DCLRE1C: variants seen among roughly 807,000 people sequenced by gnomAD.
DCLRE1C encodes DNA cross-link repair 1C.
A neutral mutation model predicts 61.4 loss-of-function variants in DCLRE1C; 47 were observed. The ratio of observed to expected loss-of-function variants is 0.77; its 90% CI spans 0.61 to 0.98. DCLRE1C has a LOEUF of 0.98. Among genes scored for constraint, DCLRE1C ranks in the 50% least tolerant of loss-of-function variants. DCLRE1C has a pLI of 0.00. For missense variants in DCLRE1C, 858 were observed against 816.0 expected, an observed-to-expected ratio of 1.05 and a Z score of -0.63; for synonymous variants, 337 against 287.6, an observed-to-expected ratio of 1.17 and a Z score of -1.74.
chr10:14,936,134 T>C (rs1236828424), intron 5 of DCLRE1C, among the ~76,000 whole-genome samples: 2 of 152,150 alleles, frequency 1.3e-5, no homozygotes, highest in Non-Finnish European at 2.9e-5. Flanking sequence ...CCTCAAGTGA[T>C]GCACCTGCCT....
At chr10:14,945,064 C>A (rs777700652) in intron 3 of DCLRE1C, 41 bp downstream of exon 3, 18 of 1,479,834 alleles carry the variant, frequency 1.2e-5, no homozygotes, top group Non-Finnish European at 1.6e-5. Flanking sequence ...AAAATACTTC[C>A]CACTTAAAAA....
chr10:14,902,783 G>A (rs1834111016), downstream of DCLRE1C: 1 of 214,984 alleles, frequency 4.7e-6, no homozygotes, highest in South Asian at 1.2e-4. Flanking sequence ...GTGTACTTAA[G>A]TCTATGTGAA....
intron 13 of DCLRE1C, among the ~76,000 whole-genome samples, chr10:14,914,007 A>G (rs1336392049): frequency 2.0e-5 from 3 of 152,238 alleles, no homozygotes; most frequent in Non-Finnish European, 4.4e-5. Flanking sequence ...AAGAATAAAG[A>G]ACAAATGGAA....
intron 11 of DCLRE1C, among the ~76,000 whole-genome samples, chr10:14,925,080 TTAAA>T (rs925046226): frequency 4.6e-5 from 7 of 151,896 alleles, no homozygotes; most frequent in Non-Finnish European, 8.8e-5. Context: ...GATCTATTCT[TTAAA>T]TAGTTTTCAC....
intron 9 of DCLRE1C, among the ~76,000 whole-genome samples, 183 bp downstream of exon 9, chr10:14,932,671 G>C (rs1433471612): frequency 6.6e-6 from 1 of 152,078 alleles, no homozygotes; most frequent in Non-Finnish European, 1.5e-5. Context: ...CTATTTACTA[G>C]TGACGAAAAG....
rs773799685 is a variant in DCLRE1C, at chr10:14,934,468, C to T, written c.590G>A (p.Ser197Asn). The change falls in exon 8 of 14, where the codon AGC (serine) becomes AAC (asparagine). Residue 197 changes from serine to asparagine, a missense_variant. By Grantham distance (46) the Ser-to-Asn change is conservative (BLOSUM62 1). This residue lies in a region of DCLRE1C where 843 missense variants were observed against 783.5 expected (regional missense o/e 1.08). Transcript: ENST00000378278. ...LELVRSWITR[S>N]PYHVVWLNCK... ...GTTCAGCCACACAACATGGTACGGG[C>T]TCCGAGTGATCCAGCTTCGGACCAG... 7.7e-5 allele frequency: 124 copies of T among 1,614,102 alleles called. No homozygotes were observed. Among genetic ancestry groups the T allele is most frequent in the Middle Eastern group, 6.6e-4 (4 of 6,084 alleles).
chr10:14,917,363 A>C lies in DCLRE1C; in HGVS notation c.1156+2375T>G, dbSNP rs377683934. 3.9e-5 allele frequency among the ~76,000 whole-genome samples: 6 copies of C among 152,284 alleles called. No individual in the cohort carries two copies. The East Asian group carries it at 7.7e-4, about 20-fold the overall frequency. ...AAGATTTCTTAGATATGATACAAAAAAAAGTAAAAATTGATAAGTTCACTT... is the reference window on the plus strand; with the variant it reads ...AAGATTTCTTAGATATGATACAAAACAAAGTAAAAATTGATAAGTTCACTT... On this transcript the variant is annotated intron_variant, in intron 13 of 13. Coordinates refer to ENST00000378278, the MANE Select transcript of DCLRE1C (RefSeq NM_001033855.3).
chr10:14,922,591 T>C (rs569501386), intron 12 of DCLRE1C, among the ~76,000 whole-genome samples: 1 of 152,220 alleles, frequency 6.6e-6, no homozygotes, highest in Non-Finnish European at 1.5e-5. Flanking sequence ...GACAACCTAC[T>C]TGGCATGGTG....
intron 12 of DCLRE1C, 106 bp from the exon 13 acceptor site, chr10:14,919,938 G>T (rs1311624442): frequency 1.1e-6 from 1 of 888,924 alleles, no homozygotes; most frequent in East Asian, 2.6e-5. Flanking sequence ...TTAATTTCTT[G>T]GATCCCTGTT....
chr10:14,929,336 G>A (rs532941782), intron 9 of DCLRE1C, among the ~76,000 whole-genome samples: 25 of 152,132 alleles, frequency 1.6e-4, no homozygotes, highest in African/African-American at 6.0e-4. Context: ...CCCAGGAGGT[G>A]GAGATTGCAG....
exon 14 of DCLRE1C, chr10:14,898,202 C>CTTTTTTTTTTTTTTTTTTTTT (rs919860514): frequency 3.6e-5 from 2 of 56,150 alleles, no homozygotes; most frequent in African/African-American, 7.1e-5. Flanking sequence ...AGTACTGTTT[C>CTTTTTTTTTTTTTTTTTTTTT]TTTTTTTTTT....
At chr10:14,931,472 C>T (rs41297980) in intron 9 of DCLRE1C, among the ~76,000 whole-genome samples, 2,345 of 152,120 alleles carry the variant, frequency 0.015, 57 homozygotes, top group African/African-American at 0.054. Context: ...GCAAGAGAAT[C>T]GCTTGAATGT....
chr10:14,900,459 T>G (rs553151565), downstream of DCLRE1C, among the ~76,000 whole-genome samples: 4 of 152,294 alleles, frequency 2.6e-5, no homozygotes, highest in South Asian at 6.2e-4. Context: ...GAAATTGGTG[T>G]ATGATTAGCA....
At chr10:14,933,657 G>T (rs1839397391) in intron 8 of DCLRE1C, among the ~76,000 whole-genome samples, 1 of 151,796 alleles carries the variant, frequency 6.6e-6, no homozygotes, top group South Asian at 2.1e-4. Flanking sequence ...AAAAAATCAA[G>T]AATCACCTTA....
At chr10:14,902,602 A>G, downstream of DCLRE1C, 1 of 772,894 alleles carries the variant, frequency 1.3e-6, no homozygotes, top group Non-Finnish European at 2.0e-6. Flanking sequence ...CTTATTATCA[A>G]GGTTCTACCT....
intron 3 of DCLRE1C, 137 bp downstream of exon 3, chr10:14,944,968 T>TCCG: frequency 1.6e-6 from 1 of 637,406 alleles, no homozygotes. Context: ...AGCCACCATG[T>TCCG]CCGGCCAGAG....
intron 9 of DCLRE1C, among the ~76,000 whole-genome samples, chr10:14,930,456 A>G (rs763097510): frequency 7.1e-6 from 1 of 141,522 alleles, no homozygotes; most frequent in Non-Finnish European, 1.5e-5. Flanking sequence ...TTTTTGAGGC[A>G]GAGTCTTGCT....
In DCLRE1C at chr10:14,953,996, C is replaced by T; in HGVS notation, c.15G>A (p.Glu5=). 1 of 1,614,034 alleles carries T rather than the reference C, an allele frequency of 6.2e-7. No homozygotes were observed. Among genetic ancestry groups the T allele is most frequent in the Non-Finnish European group, 8.5e-7 (1 of 1,179,922 alleles). The part of the protein sequence containing the change: MSSF[E]GQMAEYPTIS... Reference sequence around the variant, plus strand: ...TAGTTGGATACTCGGCCATCTGCCCCTCGAAAGAACTCATAGCGCCGCCGA... The same window carrying T: ...TAGTTGGATACTCGGCCATCTGCCCTTCGAAAGAACTCATAGCGCCGCCGA... The change falls in exon 1 of 14, where the codon GAG becomes GAA. Residue 5 remains glutamate, a synonymous_variant. Coordinates refer to ENST00000378278, the MANE Select transcript of DCLRE1C (RefSeq NM_001033855.3).
rs41300682 is a variant in DCLRE1C, at chr10:14,907,656, A to G, written c.*752T>C. ...ACCTTTTATCATTAGGAAACTGTCC[A>G]TATAACCACTCCATTTTTAATTGTT... On this transcript the variant is annotated 3_prime_UTR_variant, in exon 14 of 14. Transcript: ENST00000378278. 9.0e-3 allele frequency among the ~76,000 whole-genome samples: 1,368 copies of G among 152,160 alleles called. 38 individuals are homozygous for G. The East Asian group carries it at 0.097, about 11-fold the overall frequency.
Sources: allele counts gnomAD v4.1 joint callset (sites outside exome capture counted in the v4.1 genomes callset), GRCh38; gene constraint gnomAD v4.1.1; regional missense constraint gnomAD v4.1.1; transcripts MANE v1.5; gene names NCBI Gene and HGNC (gene_info 2026-07-23, HGNC 2026-07-21).